Variants in ORC1 observed in about 807,000 individuals in gnomAD.
ORC1 encodes origin recognition complex subunit 1.
ORC1 carries 61 observed loss-of-function variants against 98.9 expected under a neutral mutation model. The ratio of observed to expected loss-of-function variants is 0.62; its 90% CI spans 0.50 to 0.76. The LOEUF (loss-of-function observed/expected upper bound fraction) is 0.76, where lower values mean the gene tolerates loss of function less well. Among genes scored for constraint, ORC1 ranks in the 30% least tolerant of loss-of-function variants. The probability of loss-of-function intolerance (pLI) is 0.00; values close to 1 mark genes in which losing one functional copy is unlikely to be tolerated. For synonymous variants in ORC1, 385 were observed against 406.9 expected, an observed-to-expected ratio of 0.95 and a Z score of 0.65; for missense variants, 979 against 1,072.2, an observed-to-expected ratio of 0.91 and a Z score of 1.21.
At chr1:52,392,570 GAAAA>G (rs1647241434) in intron 6 of ORC1, among the ~76,000 whole-genome samples, 1 of 151,932 alleles carries the variant, frequency 6.6e-6, no homozygotes, top group Non-Finnish European at 1.5e-5. Context: ...CTACCCAAAG[GAAAA>G]GAAGTCATTA....
rs1647180669 is a variant in ORC1 at position 52,389,275 on chromosome 1, G to A, written c.1129C>T (p.His377Tyr). ...ACAGAACTCTTTCTGCGGATACGAT[G>A]GGGAGTAGAGGTCGCTTCATTCTGG... ...KAQNEATSTP[H>Y]RIRRKSSVLT... is the part of the protein sequence containing the mutation. The change falls in exon 7 of 17, where the codon CAT becomes TAT. Residue 377 changes from histidine to tyrosine, a missense_variant. Coordinates refer to ENST00000371568, the MANE Select transcript of ORC1 (RefSeq NM_004153.4). The A allele has an allele frequency of 6.2e-7, 1 of 1,614,180 alleles. No individual in the cohort carries two copies.
chr1:52,386,964 C>CA (rs1647151058), intron 8 of ORC1, among the ~76,000 whole-genome samples: 1 of 151,970 alleles, frequency 6.6e-6, no homozygotes, highest in Admixed American at 6.6e-5. Flanking sequence ...CAAAAAAAAA[C>CA]AAAAAGGCCT....
upstream of ORC1, chr1:52,409,046 A>G (rs1648076925): frequency 5.1e-6 from 1 of 194,376 alleles, no homozygotes; most frequent in Non-Finnish European, 1.1e-5. Flanking sequence ...AGTTTTCCAT[A>G]TTTTACATCT....
intron 2 of ORC1, 100 bp from the exon 3 acceptor site, chr1:52,401,589 C>A: frequency 7.1e-7 from 1 of 1,404,582 alleles, no homozygotes; most frequent in South Asian, 1.2e-5. Flanking sequence ...ATCCTGATTT[C>A]TTTCTGCTGA....
intron 1 of ORC1, among the ~76,000 whole-genome samples, chr1:52,402,963 G>A (rs567762871): frequency 1.2e-4 from 18 of 152,194 alleles, no homozygotes. Context: ...ATCTTATACA[G>A]GATGGCACAG....
In ORC1 at chr1:52,393,733, C is replaced by G; in HGVS notation, c.792G>C (p.Arg264=). 6.2e-7 allele frequency: 1 copy of G among 1,614,018 alleles called. No individual in the cohort carries two copies. Among genetic ancestry groups the G allele is most frequent in the Non-Finnish European group, 8.5e-7 (1 of 1,179,992 alleles). ...AGGTGATCTCCGAGAAGGCCACTTT[C>G]CGTTTTATTCTTCCTGGAGAATCCA... ...ASLDSPGRIK[R]KVAFSEITSP... The change falls in exon 6 of 17, where the codon CGG becomes CGC. Residue 264 remains arginine, a synonymous_variant. Transcript: ENST00000371568.
At position 52,377,553 on chromosome 1, in the gene ORC1, G is replaced by C. The variant is rs564252570; in HGVS notation, c.2134-1954C>G. On this transcript the variant is annotated intron_variant, in intron 14 of 16. Coordinates refer to ENST00000371568, the MANE Select transcript of ORC1 (RefSeq NM_004153.4). The stretch of plus-strand genomic sequence containing the variant: ...GCCTCCCAAAGTGCTGGGATTATAG[G>C]CATGAGCCACCCTACCCAGACACTC... 2.6e-4 allele frequency among the ~76,000 whole-genome samples: 40 copies of C among 152,170 alleles called. No homozygotes were observed. The East Asian group carries it at 4.6e-3, about 18-fold the overall frequency.
chr1:52,373,271 C>T lies in ORC1; in HGVS notation c.2496G>A (p.Leu832=). Residue 832 remains leucine, a synonymous_variant, in exon 17 of 17, where the codon CTG becomes CTA. Transcript: ENST00000371568. ...VCSHLGSCRL[L]LVEPSRNDLL... The stretch of plus-strand genomic sequence containing the variant: ...GATCGTTCCTGCTGGGCTCCACAAG[C>T]AGGAGGCGACAGGAGCCCAGGTGAG... 1 of 1,614,216 alleles carries T rather than the reference C, an allele frequency of 6.2e-7. No individual in the cohort carries two copies. Among genetic ancestry groups the T allele is most frequent in the African/African-American group, 1.3e-5 (1 of 75,064 alleles).
intron 10 of ORC1, 96 bp from the exon 11 acceptor site, chr1:52,384,817 C>G: frequency 1.8e-6 from 2 of 1,132,520 alleles, no homozygotes; most frequent in Non-Finnish European, 2.6e-6. Context: ...GAGGGAAGGA[C>G]CGAGACCCTT....
At chr1:52,396,423 AT>A in intron 4 of ORC1, 59 bp from the exon 5 acceptor site, 1 of 1,606,726 alleles carries the variant, frequency 6.2e-7, no homozygotes, top group Admixed American at 1.7e-5. Context: ...GCCAAGGAGT[AT>A]TCCATCAGAG....
At chr1:52,389,420 C>G (rs1647182847) in intron 6 of ORC1, 99 bp from the exon 7 acceptor site, 1 of 804,204 alleles carries the variant, frequency 1.2e-6, no homozygotes, top group South Asian at 1.4e-5. Flanking sequence ...GGCTCCCAGT[C>G]TTTTTATATA....
rs548879454 is a variant in ORC1, at chr1:52,377,880, G to T, written c.2134-2281C>A. ...ATGCATGGGAACCAGCAGAATCAAT[G>T]GTTATCAGAATCAGACCCCTAAAGA... is the stretch of plus-strand genomic sequence containing the variant. On this transcript the variant is annotated intron_variant, in intron 14 of 16. Coordinates refer to ENST00000371568, the MANE Select transcript of ORC1 (RefSeq NM_004153.4). 8.5e-5 allele frequency among the ~76,000 whole-genome samples: 13 copies of T among 152,180 alleles called. No individual in the cohort carries two copies. The South Asian group carries it at 2.5e-3, about 29-fold the overall frequency.
rs61756134 is a variant in ORC1 at position 52,389,312 on chromosome 1, T to C, written c.1092A>G (p.Lys364=). The change falls in exon 7 of 17, where the codon AAA becomes AAG. Residue 364 remains lysine (K), a synonymous_variant. Coordinates refer to ENST00000371568, the MANE Select transcript of ORC1 (RefSeq NM_004153.4). ...TCGCTTCATTCTGGGCTTTTGCTTC[T>C]TTTGCATCCCTGCAAGAAACCACAG... is the stretch of plus-strand genomic sequence containing the variant. The part of the protein sequence containing the change: ...KPENIKKRDA[K]EAKAQNEATS... The C allele has an allele frequency of 5.0e-5, 80 of 1,613,902 alleles. No individual in the cohort carries two copies. The African/African-American group carries it at 9.9e-4, about 20-fold the overall frequency.
chr1:52,404,539 C>G, upstream of ORC1: 4 of 515,884 alleles, frequency 7.8e-6, no homozygotes, highest in Non-Finnish European at 1.4e-5. Flanking sequence ...GCATGACGTA[C>G]ATCCGCTAAC....
intron 14 of ORC1, among the ~76,000 whole-genome samples, 154 bp downstream of exon 14, chr1:52,381,488 G>A (rs1403261974): frequency 1.3e-5 from 2 of 152,050 alleles, no homozygotes; most frequent in Non-Finnish European, 2.9e-5. Context: ...AAATAACAAG[G>A]CTAAGGAATT....
At chr1:52,391,863 A>C (rs1253404553) in intron 6 of ORC1, among the ~76,000 whole-genome samples, 1 of 151,016 alleles carries the variant, frequency 6.6e-6, no homozygotes, top group Non-Finnish European at 1.5e-5. Flanking sequence ...GCACCACTGC[A>C]CTCTAGCCTG....
intron 14 of ORC1, among the ~76,000 whole-genome samples, chr1:52,375,854 A>T (rs1646989156): frequency 6.6e-6 from 1 of 152,242 alleles, no homozygotes; most frequent in Non-Finnish European, 1.5e-5. Context: ...CAGGAAATGA[A>T]GTCTAAAATC....
At chr1:52,401,224 A>C (rs1569960760) in intron 3 of ORC1, 138 bp downstream of exon 3, 6 of 1,073,312 alleles carry the variant, frequency 5.6e-6, no homozygotes, top group East Asian at 4.7e-5. Flanking sequence ...AGATGGAAGA[A>C]GACGCAGCTA....
chr1:52,397,654 A>T (rs1434921907), intron 4 of ORC1, 31 bp downstream of exon 4: 1 of 1,609,630 alleles, frequency 6.2e-7, no homozygotes, highest in East Asian at 2.2e-5. Flanking sequence ...ATAAGCTTCA[A>T]GGTAGAACCA....
Sources: allele counts gnomAD v4.1 joint callset (sites outside exome capture counted in the v4.1 genomes callset), GRCh38; gene constraint gnomAD v4.1.1; transcripts MANE v1.5; gene names NCBI Gene and HGNC (gene_info 2026-07-23, HGNC 2026-07-21).